Variants in TSPEAR observed in about 807,000 individuals in gnomAD.
TSPEAR encodes the protein thrombospondin-type laminin G domain and EAR repeat-containing protein.
In TSPEAR, 69 loss-of-function variants were observed where a neutral mutation model predicts 71.6. The observed-to-expected ratio is 0.96, with a 90% CI of 0.79 to 1.18. The LOEUF (loss-of-function observed/expected upper bound fraction) is 1.18. TSPEAR is among the 50% of genes most tolerant of loss of function. The pLI is 0.00. For synonymous variants in TSPEAR, 402 were observed against 387.2 expected (o/e 1.04, Z -0.45); for missense variants, 971 against 894.9 (o/e 1.09, Z -1.09).
At chr21:44,591,193 C>T (rs233300) in intron 1 of TSPEAR, 66,695 of 1,159,644 alleles carry the variant, frequency 0.058, 427 homozygotes, top group East Asian at 0.16. Flanking sequence ...TTCTGCAGAA[C>T]TTGGGTCTGG....
chr21:44,524,936 TAGTC>T (rs199559379), intron 8 of TSPEAR, among the ~76,000 whole-genome samples: 5,912 of 151,388 alleles, frequency 0.039, 386 homozygotes, highest in African/African-American at 0.14. Context: ...GTCATTCAGG[TAGTC>T]AGTCAGTCAG....
chr21:44,606,355 C>G (rs1220888119), intron 1 of TSPEAR, among the ~76,000 whole-genome samples: 2 of 152,088 alleles, frequency 1.3e-5, no homozygotes, highest in African/African-American at 4.8e-5. Flanking sequence ...TGGTTCTTAT[C>G]AAAAAGATGA....
rs1331267633 is a variant in TSPEAR at position 44,710,226 on chromosome 21, T to G, written c.82+1207A>C. On this transcript the variant is annotated intron_variant, in intron 1 of 11. Transcript: ENST00000323084. The surrounding 1 kb of genome is among the most constrained non-coding windows in gnomAD (Gnocchi z 4.6). ...AAGCTGACTTGGCTCTCGTATTGTT[T>G]GCAGAATCACCCAGTTCCAAGGCAG... Among the ~76,000 whole-genome samples, 1 of 152,178 alleles carries G rather than the reference T, an allele frequency of 6.6e-6. No individual in the cohort carries two copies. The highest frequency in any genetic ancestry group is 1.5e-5 in the Non-Finnish European group (1 of 68,024).
chr21:44,581,982 G>T lies in TSPEAR; in HGVS notation c.83-13977C>A, dbSNP rs56943049. ...TTTTAAAGAGCCTCCCTTTTTGTTA[G>T]ACAATTTTGATTTTATTTTTTATAA... On this transcript the variant is annotated intron_variant, in intron 1 of 11. Transcript: ENST00000323084. Among the ~76,000 whole-genome samples the T allele has an allele frequency of 5.0e-3, 761 of 152,214 alleles. 8 individuals carry two copies. The highest frequency in any genetic ancestry group is 0.018 in the African/African-American group (730 of 41,554).
chr21:44,538,434 C>A (rs782382453), intron 2 of TSPEAR, among the ~76,000 whole-genome samples: 38 of 86,628 alleles, frequency 4.4e-4, no homozygotes, highest in Admixed American at 1.6e-3. Flanking sequence ...CCCCCCCCCC[C>A]CCAAGAGGAG....
chr21:44,608,402 G>C (rs144559415), intron 1 of TSPEAR, among the ~76,000 whole-genome samples: 1 of 152,288 alleles, frequency 6.6e-6, no homozygotes, highest in East Asian at 1.9e-4. Flanking sequence ...GCTGGGTTGG[G>C]AGCATTCACA....
intron 1 of TSPEAR, chr21:44,579,808 G>A (rs587683885): frequency 3.5e-5 from 57 of 1,609,752 alleles, no homozygotes; most frequent in South Asian, 7.8e-5. Context: ...GGAGGGACAC[G>A]CAGGAGGCCG....
intron 1 of TSPEAR, among the ~76,000 whole-genome samples, chr21:44,630,236 C>G (rs1474172585): frequency 6.6e-6 from 1 of 152,138 alleles, no homozygotes; most frequent in Non-Finnish European, 1.5e-5. Flanking sequence ...TCTAACAGAA[C>G]AAGGCAGGAG....
chr21:44,619,252 T>C (rs1982299202), intron 1 of TSPEAR, among the ~76,000 whole-genome samples: 1 of 152,224 alleles, frequency 6.6e-6, no homozygotes, highest in Non-Finnish European at 1.5e-5. Flanking sequence ...CAAATTACTA[T>C]CTCAGCACTA....
intron 9 of TSPEAR, among the ~76,000 whole-genome samples, chr21:44,513,462 G>A (rs1376016535): frequency 6.6e-6 from 1 of 152,238 alleles, no homozygotes; most frequent in African/African-American, 2.4e-5. Flanking sequence ...AACCCTGGCT[G>A]GCACGGGAGC....
intron 9 of TSPEAR, among the ~76,000 whole-genome samples, chr21:44,512,337 GGGGGT>G (rs200106465): frequency 1.4e-4 from 21 of 150,708 alleles, no homozygotes; most frequent in Middle Eastern, 3.4e-3. Context: ...CAAGTGCTGT[GGGGGT>G]GGGGTGGGGT....
intron 1 of TSPEAR, chr21:44,601,998 A>G: frequency 1.7e-6 from 1 of 588,972 alleles, no homozygotes; most frequent in Non-Finnish European, 3.1e-6. Context: ...CTCCCAGGCC[A>G]TAGCCCGGTG....
intron 1 of TSPEAR, among the ~76,000 whole-genome samples, chr21:44,688,766 G>A (rs1986977414): frequency 6.6e-6 from 1 of 152,146 alleles, no homozygotes. Flanking sequence ...GACCAGGGCA[G>A]AGGTGGGACC....
In TSPEAR at chr21:44,627,441, C is replaced by T. The variant is rs782079365; in HGVS notation, c.83-59436G>A. 3 of 1,613,578 alleles carry T rather than the reference C, an allele frequency of 1.9e-6. No homozygotes were observed. In the East Asian group the frequency reaches 6.7e-5, roughly 36 times the overall value. ...AGTCTAGCTGCCAGCCGGCTTACTG[C>T]ACCTCCTCCCCCTGCCAGCAGGCCT... On this transcript the variant is annotated intron_variant, in intron 1 of 11. Coordinates refer to ENST00000323084, the MANE Select transcript of TSPEAR (RefSeq NM_144991.3).
At chr21:44,689,677 G>A (rs1987025989) in intron 1 of TSPEAR, among the ~76,000 whole-genome samples, 1 of 119,988 alleles carries the variant, frequency 8.3e-6, no homozygotes, top group East Asian at 2.4e-4. Flanking sequence ...GAAGGTGAGT[G>A]TATTAGGGTT....
chr21:44,637,445 T>C (rs587628113), intron 1 of TSPEAR: 1 of 1,611,306 alleles, frequency 6.2e-7, no homozygotes, highest in South Asian at 1.1e-5. Flanking sequence ...GTCCATCTGC[T>C]CCAGCGCCTG....
intron 1 of TSPEAR, among the ~76,000 whole-genome samples, chr21:44,648,498 G>A (rs1309308620): frequency 2.6e-5 from 4 of 152,044 alleles, no homozygotes; most frequent in East Asian, 3.9e-4. Context: ...AGAAAAATAC[G>A]GCCATCCCCA....
intron 1 of TSPEAR, chr21:44,574,613 C>G (rs376385972): frequency 2.0e-5 from 26 of 1,299,494 alleles, no homozygotes; most frequent in African/African-American, 4.6e-5. Context: ...AGCCTGTCTG[C>G]TCTGTGCCCA....
intron 1 of TSPEAR, among the ~76,000 whole-genome samples, chr21:44,606,545 C>G (rs1981328406): frequency 6.6e-6 from 1 of 152,182 alleles, no homozygotes; most frequent in Non-Finnish European, 1.5e-5. Flanking sequence ...TAACTGAAAT[C>G]ATTCTTTTGG....
Sources: allele counts gnomAD v4.1 joint callset (sites outside exome capture counted in the v4.1 genomes callset), GRCh38; gene constraint gnomAD v4.1.1; non-coding constraint Gnocchi (gnomAD v3.1); transcripts MANE v1.5; gene names NCBI Gene and HGNC (gene_info 2026-07-23, HGNC 2026-07-21).